CDC42BPG: variants seen among roughly 807,000 people sequenced by gnomAD.
The protein encoded by CDC42BPG is CDC42 binding protein kinase gamma.
In CDC42BPG, 157 loss-of-function variants were observed where a neutral mutation model predicts 192.2. That is an observed-to-expected ratio of 0.82 (90% CI 0.72 to 0.93). CDC42BPG has a LOEUF of 0.93. Among genes scored for constraint, CDC42BPG ranks in the 40% least tolerant of loss-of-function variants. CDC42BPG has a pLI of 0.00. For synonymous variants in CDC42BPG, 981 were observed against 918.5 expected (o/e 1.07, Z -1.23); for missense variants, 1,992 against 2,122.1 (o/e 0.94, Z 1.20).
chr11:64,842,145 T>C (rs1413911839), intron 1 of CDC42BPG, among the ~76,000 whole-genome samples: 1 of 152,162 alleles, frequency 6.6e-6, no homozygotes, highest in Non-Finnish European at 1.5e-5. Flanking sequence ...CCTGGACCCC[T>C]GGCCCCAGAC....
At chr11:64,828,012 A>G (rs1247072832) in intron 30 of CDC42BPG, among the ~76,000 whole-genome samples, 1 of 152,124 alleles carries the variant, frequency 6.6e-6, no homozygotes, top group Non-Finnish European at 1.5e-5. Flanking sequence ...TTAATTTTCT[A>G]ACAACTCTGA....
chr11:64,831,364 TGGA>T, intron 28 of CDC42BPG, 138 bp downstream of exon 28: 1 of 733,470 alleles, frequency 1.4e-6, no homozygotes, highest in Middle Eastern at 3.6e-4. Flanking sequence ...CACAGGAGGC[TGGA>T]GCACATACGT....
chr11:64,828,720 C>T (rs1298359295), intron 30 of CDC42BPG, among the ~76,000 whole-genome samples: 1 of 152,112 alleles, frequency 6.6e-6, no homozygotes, highest in Non-Finnish European at 1.5e-5. Flanking sequence ...TTGAGACTCC[C>T]AGCCTGCGCA....
intron 11 of CDC42BPG, 47 bp downstream of exon 11, chr11:64,836,692 G>T (rs1565689571): frequency 9.5e-7 from 1 of 1,047,572 alleles, no homozygotes; most frequent in Non-Finnish European, 1.3e-6. Context: ...CCGAGCCCAG[G>T]TGGGACTCAG....
chr11:64,837,035 G>C lies in CDC42BPG; in HGVS notation c.1206-16C>G. On this transcript the variant is annotated splice_polypyrimidine_tract_variant and intron_variant, in intron 9 of 36. Transcript: ENST00000342711. Reference sequence around the variant, plus strand: ...AGGACTGTGACTGTAGGGGGACAGGGGCCATGTTTGTTGGTAGAAACCTCA... The same window carrying C: ...AGGACTGTGACTGTAGGGGGACAGGCGCCATGTTTGTTGGTAGAAACCTCA... The C allele has an allele frequency of 6.3e-7, 1 of 1,599,716 alleles. No individual in the cohort carries two copies. Among genetic ancestry groups the C allele is most frequent in the East Asian group, 2.2e-5 (1 of 44,812 alleles).
rs565885876 is a variant in CDC42BPG, at chr11:64,838,209, C to T, written c.1126-47G>A. ...GAGTCAGAGTCCACAGGCCAAGGCCCGAGGCCCAAGGCCCAGGAGCCCCCT... is the reference window on the plus strand; with the variant it reads ...GAGTCAGAGTCCACAGGCCAAGGCCTGAGGCCCAAGGCCCAGGAGCCCCCT... On this transcript the variant is annotated intron_variant, in intron 8 of 36. Transcript: ENST00000342711. The T allele has an allele frequency of 2.4e-5, 35 of 1,452,778 alleles. No individual in the cohort carries two copies. In the Admixed American group the frequency reaches 6.4e-4, roughly 27 times the overall value. 90.0% of individuals were successfully genotyped at this position (1,452,778 alleles called of 1,614,324 possible). A position where few individuals can be genotyped will look rare whatever the true frequency, so the allele number is the denominator to read the frequency against.
At position 64,827,749 on chromosome 11, in the gene CDC42BPG, C is replaced by G. The variant is rs1440560678; in HGVS notation, c.4002G>C (p.Glu1334Asp). 1 of 1,612,874 alleles carries G rather than the reference C, an allele frequency of 6.2e-7. No individual in the cohort carries two copies. The highest frequency in any genetic ancestry group is 8.5e-7 in the Non-Finnish European group (1 of 1,179,414). ...YAAPYLTVFSENSIDVFDVRR... is the reference protein window; with the variant it reads ...YAAPYLTVFSDNSIDVFDVRR... ...TCACGTCAAACACATCGATGGAGTT[C>G]TCGCTGAACACTGTCAGGTAGGGGG... The change falls in exon 31 of 37, where the codon GAG (glutamate) becomes GAC (aspartate). Residue 1334 changes from glutamate (E) to aspartate (D), a missense_variant. Physicochemically the swap from Glu to Asp is conservative, Grantham distance 45. Transcript: ENST00000342711.
chr11:64,831,015 C>T (rs1942659178), intron 28 of CDC42BPG, among the ~76,000 whole-genome samples: 1 of 152,106 alleles, frequency 6.6e-6, no homozygotes, highest in Non-Finnish European at 1.5e-5. Flanking sequence ...GTCAGGAGTT[C>T]GAGACCAGCC....
Position 64,837,038 on chromosome 11 carries a change from CA to C in CDC42BPG, c.1206-20del. On this transcript the variant is annotated intron_variant, in intron 9 of 36. Coordinates refer to ENST00000342711, the MANE Select transcript of CDC42BPG (RefSeq NM_017525.3). ...ACTGTGACTGTAGGGGGACAGGGGC[CA>C]TGTTTGTTGGTAGAAACCTCACCCC... 1.3e-6 allele frequency: 2 copies of C among 1,596,296 alleles called. No homozygotes were observed. The highest frequency in any genetic ancestry group is 1.7e-6 in the Non-Finnish European group (2 of 1,164,376).
intron 20 of CDC42BPG, 59 bp from the exon 21 acceptor site, chr11:64,834,036 G>C: frequency 6.2e-7 from 1 of 1,607,030 alleles, no homozygotes; most frequent in Non-Finnish European, 8.5e-7. Context: ...CTAGGGTCCA[G>C]GAGGGGCCTC....
chr11:64,832,203 C>T (rs558826258), intron 27 of CDC42BPG, among the ~76,000 whole-genome samples: 1 of 152,338 alleles, frequency 6.6e-6, no homozygotes, highest in South Asian at 2.1e-4. Flanking sequence ...GGGTCAGAGC[C>T]TTGGGGCCTC....
Position 64,836,548 on chromosome 11 carries a change from T to G in CDC42BPG, c.1385-18A>C. On this transcript the variant is annotated intron_variant, in intron 11 of 36. Transcript: ENST00000342711. Reference sequence around the variant, plus strand: ...CAGCATCTCTGCCAGGAAGAGTCACTGAGACCTCGAGTGCTGGCGGCCCCA... The same window carrying G: ...CAGCATCTCTGCCAGGAAGAGTCACGGAGACCTCGAGTGCTGGCGGCCCCA... The G allele has an allele frequency of 6.2e-7, 1 of 1,607,248 alleles. No homozygotes were observed. Among genetic ancestry groups the G allele is most frequent in the Non-Finnish European group, 8.5e-7 (1 of 1,174,730 alleles).
intron 16 of CDC42BPG, 35 bp downstream of exon 16, chr11:64,835,312 T>A: frequency 6.2e-7 from 1 of 1,612,686 alleles, no homozygotes; most frequent in African/African-American, 1.3e-5. Flanking sequence ...GCCTTGTCCG[T>A]CTGTTGTACC....
Position 64,827,523 on chromosome 11 carries a change from T to C in CDC42BPG, c.4150+4A>G. ...CACACACCCGTACACACGCACTCCCTCACCTGCCAGCTGGTTCCTGAGGTA... is the reference window on the plus strand; with the variant it reads ...CACACACCCGTACACACGCACTCCCCCACCTGCCAGCTGGTTCCTGAGGTA... On this transcript the variant is annotated splice_donor_region_variant and intron_variant, in intron 32 of 36. Transcript: ENST00000342711. 1 of 1,611,548 alleles carries C rather than the reference T, an allele frequency of 6.2e-7. No individual in the cohort carries two copies. Among genetic ancestry groups the C allele is most frequent in the Non-Finnish European group, 8.5e-7 (1 of 1,178,370 alleles).
At chr11:64,839,429 C>T in intron 6 of CDC42BPG, 49 bp downstream of exon 6, 1 of 1,548,196 alleles carries the variant, frequency 6.5e-7, no homozygotes, top group Non-Finnish European at 8.8e-7. Flanking sequence ...TTCCTGAGAG[C>T]TTGGCCCGCC....
intron 8 of CDC42BPG, 54 bp from the exon 9 acceptor site, chr11:64,838,216 C>T (rs772309725): frequency 8.1e-6 from 11 of 1,357,386 alleles, no homozygotes; most frequent in South Asian, 1.3e-5. Context: ...GCCCGAGGCC[C>T]AAGGCCCAGG....
At chr11:64,839,760 G>A (rs1046714949) in intron 5 of CDC42BPG, among the ~76,000 whole-genome samples, 189 bp from the exon 6 acceptor site, 1 of 152,208 alleles carries the variant, frequency 6.6e-6, no homozygotes, top group African/African-American at 2.4e-5. Context: ...GAGGAAGATG[G>A]CTAGATTGTA....
intron 17 of CDC42BPG, 30 bp downstream of exon 17, chr11:64,835,017 T>TTCCCCCC: frequency 1.9e-6 from 3 of 1,571,934 alleles, no homozygotes; most frequent in African/African-American, 1.3e-5. Context: ...TCGCCTGCGT[T>TTCCCCCC]CCCCACCCCG....
rs765276102 is a variant in CDC42BPG, at chr11:64,826,789, G to C, written c.4395C>G (p.Pro1465=). The change falls in exon 35 of 37, where the codon CCC becomes CCG. Residue 1465 remains proline, a synonymous_variant. Transcript: ENST00000342711. The part of the protein sequence containing the change: ...RPGARDKSPA[P]EEKGRVARGS... ...CGCGGGCAACTCGGCCCTTCTCTTC[G>C]GGAGCCTGTTGGGTGACAGTGCGGA... 14 of 1,500,486 alleles carry C rather than the reference G, an allele frequency of 9.3e-6. No individual in the cohort carries two copies. Among genetic ancestry groups the C allele is most frequent in the African/African-American group, 1.4e-5 (1 of 71,600 alleles). 92.9% of individuals were successfully genotyped at this position (1,500,486 alleles called of 1,614,324 possible).
Sources: allele counts gnomAD v4.1 joint callset (sites outside exome capture counted in the v4.1 genomes callset), GRCh38; gene constraint gnomAD v4.1.1; transcripts MANE v1.5; gene names NCBI Gene and HGNC (gene_info 2026-07-23, HGNC 2026-07-21).